ADGRL2: variants seen among roughly 807,000 people sequenced by gnomAD.
ADGRL2 encodes calcium-independent alpha-latrotoxin receptor 2.
Under a neutral mutation model 157.4 loss-of-function variants are expected in ADGRL2, and 44 were observed. The ratio of observed to expected loss-of-function variants is 0.28; its 90% CI spans 0.22 to 0.36. ADGRL2 has a LOEUF of 0.36. ADGRL2 is among the 10% of genes least tolerant of loss of function. ADGRL2 has a pLI of 1.00. For missense variants in ADGRL2, 1,510 were observed against 1,768.9 expected, an observed-to-expected ratio of 0.85 and a Z score of 2.63; for synonymous variants, 585 against 624.7, an observed-to-expected ratio of 0.94 and a Z score of 0.95.
At chr1:81,326,806 G>A (rs1660934399) in intron 1 of ADGRL2, among the ~76,000 whole-genome samples, 1 of 152,142 alleles carries the variant, frequency 6.6e-6, no homozygotes, top group African/African-American at 2.4e-5. Flanking sequence ...TAGACTTTCA[G>A]ACCATTACAT....
At chr1:81,442,777 G>A (rs2077531437) in intron 1 of ADGRL2, among the ~76,000 whole-genome samples, 2 of 152,172 alleles carry the variant, frequency 1.3e-5, no homozygotes, top group African/African-American at 4.8e-5. Flanking sequence ...GCACAGGAAG[G>A]TCCCATTGTA....
chr1:81,965,018 A>G lies in ADGRL2; in HGVS notation c.2018-1040A>G, dbSNP rs1439329081. On this transcript the variant is annotated intron_variant, in intron 11 of 23. Transcript: ENST00000686636. ...TATTGTGATTCCCAGCAGACAGTAA[A>G]CATTTATATTGTTAGTGGTTACTAT... 3.3e-5 allele frequency among the ~76,000 whole-genome samples: 5 copies of G among 152,296 alleles called. No homozygotes were observed. In the East Asian group the frequency reaches 9.6e-4, roughly 29 times the overall value.
At chr1:81,547,597 C>T (rs771323243) in intron 2 of ADGRL2, among the ~76,000 whole-genome samples, 5 of 152,232 alleles carry the variant, frequency 3.3e-5, no homozygotes, top group East Asian at 3.9e-4. Context: ...ATTTGTCTGG[C>T]GGCTTCTCAA....
chr1:81,504,230 T>G (rs1246750984), intron 2 of ADGRL2, among the ~76,000 whole-genome samples: 2 of 152,086 alleles, frequency 1.3e-5, no homozygotes, highest in Non-Finnish European at 2.9e-5. Flanking sequence ...CTTGCCCTTA[T>G]TGTCCTGCTT....
chr1:81,785,570 A>T (rs1054961184), intron 2 of ADGRL2, among the ~76,000 whole-genome samples: 3 of 151,926 alleles, frequency 2.0e-5, no homozygotes, highest in African/African-American at 7.3e-5. Context: ...TGTACAAAAA[A>T]ATTAAAAATC....
At chr1:81,835,469 T>C (rs1557738604) in intron 1 of ADGRL2, among the ~76,000 whole-genome samples, 1 of 152,174 alleles carries the variant, frequency 6.6e-6, no homozygotes, top group East Asian at 1.9e-4. Flanking sequence ...AGTTGTAAAC[T>C]GCAGGTTCAC....
At chr1:81,397,843 T>C (rs1379818087) in intron 1 of ADGRL2, among the ~76,000 whole-genome samples, 1 of 152,176 alleles carries the variant, frequency 6.6e-6, no homozygotes, top group Non-Finnish European at 1.5e-5. Flanking sequence ...TGGTGTAAAA[T>C]GCAGTTTAAA....
chr1:81,942,172 C>T (rs1036888629), intron 5 of ADGRL2, 127 bp downstream of exon 5: 19 of 469,940 alleles, frequency 4.0e-5, no homozygotes, highest in African/African-American at 3.6e-4. Flanking sequence ...AATGCCACCT[C>T]ATAAGGAAGT....
intron 2 of ADGRL2, among the ~76,000 whole-genome samples, chr1:81,464,444 T>C (rs950265044): frequency 6.6e-6 from 1 of 152,166 alleles, no homozygotes; most frequent in African/African-American, 2.4e-5. Flanking sequence ...AAAACTGCTG[T>C]ATCTAGTGAA....
At chr1:81,732,110 G>A (rs2084745941) in intron 1 of ADGRL2, among the ~76,000 whole-genome samples, 1 of 152,192 alleles carries the variant, frequency 6.6e-6, no homozygotes. Context: ...TCAAAGGGAA[G>A]TGAGTAGTGA....
chr1:81,642,399 G>C (rs1165725429), intron 3 of ADGRL2, among the ~76,000 whole-genome samples: 1 of 148,472 alleles, frequency 6.7e-6, no homozygotes, highest in African/African-American at 2.5e-5. Context: ...CAGCCTGAGT[G>C]ACAGAGCAAG....
chr1:81,655,242 C>T (rs996688479), intron 3 of ADGRL2, among the ~76,000 whole-genome samples: 11 of 152,164 alleles, frequency 7.2e-5, no homozygotes, highest in African/African-American at 2.4e-4. Flanking sequence ...CTTCGTGATC[C>T]GCCCGCCTCG....
intron 2 of ADGRL2, among the ~76,000 whole-genome samples, chr1:81,838,162 C>T (rs2092378660): frequency 6.6e-6 from 1 of 151,862 alleles, no homozygotes; most frequent in Non-Finnish European, 1.5e-5. Flanking sequence ...AAAATGTTAA[C>T]GTTTTAATTT....
Position 81,819,429 on chromosome 1 carries a change from C to T in ADGRL2, c.-100-17456C>T, listed in dbSNP as rs185415955. Among the ~76,000 whole-genome samples the T allele has an allele frequency of 3.3e-5, 5 of 152,162 alleles. No homozygotes were observed. The East Asian group carries it at 9.6e-4, about 29-fold the overall frequency. On this transcript the variant is annotated intron_variant, in intron 1 of 23. Transcript: ENST00000686636. ...TGTTAAAAGTCCAAAGTACCAGCTG[C>T]TGAGAAGGTTGATGCTTTGTTGGTA...
chr1:81,496,126 T>C (rs977119554), intron 2 of ADGRL2, among the ~76,000 whole-genome samples: 3 of 152,196 alleles, frequency 2.0e-5, no homozygotes, highest in African/African-American at 7.2e-5. Context: ...AGGAAGCAGA[T>C]GGTTAAATAA....
chr1:81,809,026 C>T (rs950996687), intron 1 of ADGRL2, among the ~76,000 whole-genome samples: 33 of 151,968 alleles, frequency 2.2e-4, no homozygotes, highest in Non-Finnish European at 3.4e-4. Context: ...CTGTTTTAGC[C>T]CAGATGTAAT....
chr1:81,980,067 G>T, intron 18 of ADGRL2, 107 bp downstream of exon 18: 2 of 660,660 alleles, frequency 3.0e-6, no homozygotes. Context: ...AAATTATTCA[G>T]AATGAAGTTT....
chr1:81,455,867 G>A (rs986872920), intron 2 of ADGRL2, among the ~76,000 whole-genome samples: 3 of 152,172 alleles, frequency 2.0e-5, no homozygotes, highest in Non-Finnish European at 4.4e-5. Context: ...TGAGGTCATA[G>A]TGAAATATTA....
intron 9 of ADGRL2, 25 bp from the exon 10 acceptor site, chr1:81,952,962 A>C: frequency 6.3e-7 from 1 of 1,598,106 alleles, no homozygotes; most frequent in Non-Finnish European, 8.6e-7. Context: ...CTAACCTCTG[A>C]TTTTTCTTTT....
Sources: allele counts gnomAD v4.1 joint callset (sites outside exome capture counted in the v4.1 genomes callset), GRCh38; gene constraint gnomAD v4.1.1; transcripts MANE v1.5; gene names NCBI Gene and HGNC (gene_info 2026-07-23, HGNC 2026-07-21).